Variants in PLEKHA5 observed in about 807,000 individuals in gnomAD.
PLEKHA5 encodes the protein pleckstrin homology domain containing A5.
In PLEKHA5, 55 loss-of-function variants were observed where a neutral mutation model predicts 181.9. The observed-to-expected ratio is 0.30, with a 90% CI of 0.24 to 0.38. PLEKHA5 has a LOEUF of 0.38. Ranked by LOEUF, PLEKHA5 falls within the 10% of genes least tolerant of loss-of-function variation. The pLI is 1.00. For synonymous variants in PLEKHA5, 535 were observed against 529.4 expected (o/e 1.01, Z -0.15); for missense variants, 1,432 against 1,549.5 (o/e 0.92, Z 1.27).
chr12:19,287,684 T>G (rs1042357935), intron 13 of PLEKHA5, 128 bp downstream of exon 13: 7 of 623,664 alleles, frequency 1.1e-5, no homozygotes, highest in African/African-American at 5.6e-5. Context: ...ACTGCTTTTG[T>G]GCAAGAGATG....
chr12:19,183,393 C>T (rs1386122907), intron 3 of PLEKHA5, among the ~76,000 whole-genome samples: 1 of 152,142 alleles, frequency 6.6e-6, no homozygotes, highest in Non-Finnish European at 1.5e-5. Context: ...GCTTTAGGTA[C>T]TTTTCCTACA....
intron 3 of PLEKHA5, among the ~76,000 whole-genome samples, chr12:19,224,787 A>G (rs538514424): frequency 4.9e-4 from 75 of 152,320 alleles, no homozygotes; most frequent in Admixed American, 3.3e-3. Flanking sequence ...GGCTTTAAAT[A>G]TATAGATACA....
At chr12:19,181,961 A>G (rs2048702548) in intron 3 of PLEKHA5, among the ~76,000 whole-genome samples, 1 of 152,192 alleles carries the variant, frequency 6.6e-6, no homozygotes, top group Non-Finnish European at 1.5e-5. Flanking sequence ...GAGCTCAAAG[A>G]TGATTACTGC....
intron 3 of PLEKHA5, among the ~76,000 whole-genome samples, chr12:19,171,844 A>T (rs923023941): frequency 6.6e-6 from 1 of 152,206 alleles, no homozygotes; most frequent in African/African-American, 2.4e-5. Flanking sequence ...GAACTAAGGC[A>T]CAAACACACA....
chr12:19,225,825 A>C (rs2059612584), intron 3 of PLEKHA5, among the ~76,000 whole-genome samples: 1 of 152,288 alleles, frequency 6.6e-6, no homozygotes, highest in Non-Finnish European at 1.5e-5. Flanking sequence ...CTCACATTTT[A>C]AGTCTTCTTA....
chr12:19,337,777 C>CCCATCTGT (rs1280198397), intron 21 of PLEKHA5, among the ~76,000 whole-genome samples: 1 of 151,664 alleles, frequency 6.6e-6, no homozygotes, highest in African/African-American at 2.4e-5. Context: ...ATGGGGAAAC[C>CCCATCTGT]CCATCTGTAC....
Position 19,366,230 on chromosome 12 carries a change from C to T in PLEKHA5, c.3754+121C>T, listed in dbSNP as rs551054136. ...AGTACCTTGACTACAGATGAGTCAA[C>T]GTTTGCCTCCCCAAGTGTACCTTCA... On this transcript the variant is annotated intron_variant, in intron 30 of 31. Transcript: ENST00000429027. 72 of 764,004 alleles carry T rather than the reference C, an allele frequency of 9.4e-5. No homozygotes were observed. In the East Asian group the frequency reaches 1.5e-3, roughly 16 times the overall value. The allele number at this position is 764,004 out of a possible 1,614,324, so 47.3% of individuals were successfully genotyped here.
chr12:19,340,141 T>TA (rs1242718976), intron 21 of PLEKHA5, among the ~76,000 whole-genome samples: 2 of 152,172 alleles, frequency 1.3e-5, no homozygotes, highest in African/African-American at 4.8e-5. Context: ...ACTGGGAGGA[T>TA]GTATGTTTTA....
intron 3 of PLEKHA5, among the ~76,000 whole-genome samples, chr12:19,156,503 T>C (rs186341854): frequency 1.9e-4 from 29 of 152,140 alleles, no homozygotes; most frequent in South Asian, 8.3e-4. Flanking sequence ...ATAACATTGA[T>C]GTTAGTCCCT....
chr12:19,306,661 TC>T, intron 15 of PLEKHA5: 4 of 1,440,064 alleles, frequency 2.8e-6, no homozygotes, highest in Non-Finnish European at 3.9e-6. Context: ...GTGACTGATC[TC>T]CCCGGGCGCT....
intron 22 of PLEKHA5, among the ~76,000 whole-genome samples, chr12:19,343,705 A>C (rs1287750975): frequency 6.6e-6 from 1 of 152,186 alleles, no homozygotes; most frequent in Non-Finnish European, 1.5e-5. Flanking sequence ...ATCTAAACAT[A>C]GAAAAGGTAA....
intron 18 of PLEKHA5, chr12:19,321,579 G>C (rs543639401): frequency 2.1e-5 from 3 of 144,314 alleles, no homozygotes; most frequent in Non-Finnish European, 4.5e-5. Context: ...TGCCATGTTA[G>C]CCAGGCTGGT....
intron 3 of PLEKHA5, among the ~76,000 whole-genome samples, chr12:19,142,134 AG>A (rs1317339555): frequency 1.3e-5 from 2 of 152,156 alleles, no homozygotes; most frequent in Non-Finnish European, 2.9e-5. Context: ...CCGAGGCAGG[AG>A]GATTCTTTGA....
At chr12:19,233,424 T>C (rs369322151) in intron 3 of PLEKHA5, among the ~76,000 whole-genome samples, 14 of 152,340 alleles carry the variant, frequency 9.2e-5, no homozygotes, top group East Asian at 3.9e-4. Flanking sequence ...TGTTAGGTAC[T>C]GTATGGAAAA....
At chr12:19,182,270 T>A (rs2048788005) in intron 3 of PLEKHA5, among the ~76,000 whole-genome samples, 1 of 152,222 alleles carries the variant, frequency 6.6e-6, no homozygotes, top group Admixed American at 6.5e-5. Flanking sequence ...AGATTGTTTT[T>A]TCGCATCCAA....
At chr12:19,198,977 T>C (rs1020273681) in intron 3 of PLEKHA5, among the ~76,000 whole-genome samples, 2 of 152,194 alleles carry the variant, frequency 1.3e-5, no homozygotes, top group African/African-American at 4.8e-5. Context: ...TTTCTTATAG[T>C]CTAAACATTG....
intron 3 of PLEKHA5, among the ~76,000 whole-genome samples, chr12:19,135,157 A>G (rs763333711): frequency 6.6e-6 from 1 of 152,190 alleles, no homozygotes; most frequent in Non-Finnish European, 1.5e-5. Context: ...AGTGAAATAT[A>G]TATAACTCTT....
At chr12:19,197,294 C>T (rs2053043042) in intron 3 of PLEKHA5, among the ~76,000 whole-genome samples, 1 of 152,182 alleles carries the variant, frequency 6.6e-6, no homozygotes, top group Admixed American at 6.5e-5. Context: ...AGACCAGTCT[C>T]TCATACTGTT....
chr12:19,343,826 G>A (rs933117417), intron 22 of PLEKHA5, among the ~76,000 whole-genome samples: 9 of 152,130 alleles, frequency 5.9e-5, no homozygotes, highest in Admixed American at 1.3e-4. Context: ...GCTGAGGTGG[G>A]CAGATCACCT....
Sources: gnomAD v4.1 joint callset for allele counts (sites outside exome capture counted in the v4.1 genomes callset) on GRCh38, gnomAD v4.1.1 for gene constraint, MANE v1.5 for transcripts, NCBI Gene and HGNC (gene_info 2026-07-23, HGNC 2026-07-21) for gene names.